Variants in COL20A1 observed in about 807,000 individuals in gnomAD.
COL20A1 encodes the protein collagen alpha-1(XX) chain.
A neutral mutation model predicts 152.9 loss-of-function variants in COL20A1; 164 were observed. The observed-to-expected ratio is 1.07, with a 90% CI of 0.94 to 1.22. The LOEUF (loss-of-function observed/expected upper bound fraction) is 1.22. Among genes scored for constraint, COL20A1 ranks in the 50% most tolerant of loss-of-function variants. The pLI is 0.00. For synonymous variants in COL20A1, 864 were observed against 756.0 expected, an observed-to-expected ratio of 1.14 and a Z score of -2.34; for missense variants, 1,873 against 1,744.8, an observed-to-expected ratio of 1.07 and a Z score of -1.31.
intron 3 of COL20A1, among the ~76,000 whole-genome samples, chr20:63,301,837 C>T (rs1205900897): frequency 6.6e-6 from 1 of 152,152 alleles, no homozygotes; most frequent in Non-Finnish European, 1.5e-5. Flanking sequence ...GTATTGTTTT[C>T]ACCCAGTGTG....
chr20:63,294,896 T>C, intron 1 of COL20A1: 2 of 536,792 alleles, frequency 3.7e-6, no homozygotes, highest in South Asian at 2.7e-5. Context: ...GCTCTAGCCT[T>C]GGGTCCTTGA....
At chr20:63,329,552 C>T in intron 34 of COL20A1, 33 bp from the exon 35 acceptor site, 1 of 1,575,890 alleles carries the variant, frequency 6.3e-7, no homozygotes, top group African/African-American at 1.4e-5. Flanking sequence ...CACTGCATTG[C>T]TCCGTCCTCA....
chr20:63,297,754 C>T (rs1260600000), intron 2 of COL20A1, among the ~76,000 whole-genome samples, 156 bp from the exon 3 acceptor site: 1 of 152,248 alleles, frequency 6.6e-6, no homozygotes, highest in African/African-American at 2.4e-5. Flanking sequence ...CTGAGTCCGC[C>T]TCAGACACCC....
In COL20A1 at chr20:63,312,460, C is replaced by A. The variant is rs771110529; in HGVS notation, c.1844C>A (p.Pro615His). ...AACGCCACCTCGGCCACGCTGGGGCCTCTCTCTTCCTCCACCACCTACACT... is the reference window on the plus strand; with the variant it reads ...AACGCCACCTCGGCCACGCTGGGGCATCTCTCTTCCTCCACCACCTACACT... ...PGNATSATLG[P>H]LSSSTTYTVR... is the part of the protein sequence containing the mutation. Residue 615 changes from proline to histidine, a missense_variant, in exon 15 of 36, where the codon CCT becomes CAT. Physicochemically the swap from Pro to His is moderately conservative, Grantham distance 77. Coordinates refer to ENST00000358894, the MANE Select transcript of COL20A1 (RefSeq NM_020882.4). 1.2e-6 allele frequency: 2 copies of A among 1,607,152 alleles called. No homozygotes were observed. The highest frequency in any genetic ancestry group is 2.7e-5 in the African/African-American group (2 of 74,742).
intron 1 of COL20A1, among the ~76,000 whole-genome samples, chr20:63,294,554 G>T (rs76186321): frequency 6.6e-6 from 1 of 151,266 alleles, no homozygotes; most frequent in Non-Finnish European, 1.5e-5. Flanking sequence ...CTGCACCCCC[G>T]GCTGGCGTCC....
rs1400967128 is a variant in COL20A1, at chr20:63,309,461, C to T, written c.1069C>T (p.Gln357Ter). ...TGGCCTGCTCAGCCGTCTCATCTGC[C>T]AGAGGCTCCAGGGTGGGAGCCCGCG... ...LAGLLSRLIC[Q>*]RLQGGSPRQG... is the part of the protein sequence containing the mutation. Residue 357 changes from glutamine (Q) to a stop codon, truncating the protein, a stop_gained, in exon 9 of 36, where the codon CAG (glutamine) becomes TAG (stop). Transcript: ENST00000358894. LOFTEE classifies it high-confidence loss of function. 6 of 1,537,218 alleles carry T rather than the reference C, an allele frequency of 3.9e-6. No individual in the cohort carries two copies. In the Middle Eastern group the frequency reaches 8.7e-4, roughly 224 times the overall value.
At chr20:63,316,507 A>T in intron 20 of COL20A1, 46 bp from the exon 21 acceptor site, 1 of 1,349,174 alleles carries the variant, frequency 7.4e-7, no homozygotes, top group Non-Finnish European at 9.8e-7. Flanking sequence ...CTCCCCTGCC[A>T]TCTCTGAGGG....
Position 63,317,304 on chromosome 20 carries a change from TAAAC to T in COL20A1, c.2663+622_2663+625del, listed in dbSNP as rs112845587. On this transcript the variant is annotated intron_variant, in intron 21 of 35. Coordinates refer to ENST00000358894, the MANE Select transcript of COL20A1 (RefSeq NM_020882.4). ...TGCAGCAAGACCCCATCTCTACAAA[TAAAC>T]AAACAAACTTAGCTGGGTGCGGTGG... Among the ~76,000 whole-genome samples, 161 of 151,828 alleles carry T rather than the reference TAAAC, an allele frequency of 1.1e-3. 2 individuals carry two copies. Among genetic ancestry groups the T allele is most frequent in the African/African-American group, 3.6e-3 (148 of 41,422 alleles).
At chr20:63,312,715 C>T in intron 15 of COL20A1, 77 bp from the exon 16 acceptor site, 1 of 1,474,988 alleles carries the variant, frequency 6.8e-7, no homozygotes, top group Non-Finnish European at 9.1e-7. Context: ...TAGGGTGCTC[C>T]TGGGTGTGGC....
chr20:63,320,933 C>T (rs917856279), intron 25 of COL20A1, 80 bp from the exon 26 acceptor site: 4 of 1,105,526 alleles, frequency 3.6e-6, no homozygotes, highest in African/African-American at 3.2e-5. Context: ...GCCCAGGTGT[C>T]ATTGGCTAAT....
intron 8 of COL20A1, among the ~76,000 whole-genome samples, chr20:63,308,911 G>T (rs2067966598): frequency 6.6e-6 from 1 of 152,140 alleles, no homozygotes; most frequent in Admixed American, 6.5e-5. Context: ...CTGGTGTTTG[G>T]TGCCCTCCGT....
intron 3 of COL20A1, among the ~76,000 whole-genome samples, chr20:63,300,084 C>A (rs1485211385): frequency 6.6e-6 from 1 of 152,042 alleles, no homozygotes; most frequent in African/African-American, 2.4e-5. Flanking sequence ...CCTGGCCTAT[C>A]CCCTTTTATA....
chr20:63,312,713 TC>T, intron 15 of COL20A1, 78 bp from the exon 16 acceptor site: 2 of 1,476,800 alleles, frequency 1.4e-6, no homozygotes, highest in Admixed American at 2.2e-5. Flanking sequence ...TATAGGGTGC[TC>T]CTGGGTGTGG....
chr20:63,308,156 C>G, intron 7 of COL20A1, 66 bp downstream of exon 7: 1 of 1,580,940 alleles, frequency 6.3e-7, no homozygotes, highest in Non-Finnish European at 8.6e-7. Context: ...CCTCCCAGAT[C>G]CCGAAAGCTT....
chr20:63,316,701 C>T lies in COL20A1; in HGVS notation c.2663+10C>T. ...TGACAAGACGGGTCAGGTGTGAGGG[C>T]AAGGGCTGGGGTGGAGCTGGAAGCC... On this transcript the variant is annotated intron_variant, in intron 21 of 35. Coordinates refer to ENST00000358894, the MANE Select transcript of COL20A1 (RefSeq NM_020882.4). The T allele has an allele frequency of 6.5e-7, 1 of 1,537,336 alleles. No individual in the cohort carries two copies. Among genetic ancestry groups the T allele is most frequent in the East Asian group, 2.4e-5 (1 of 41,724 alleles).
rs912954101 is a variant in COL20A1, at chr20:63,333,200, G to A, written c.*2484G>A. 7 of 152,570 alleles carry A rather than the reference G, an allele frequency of 4.6e-5. No individual in the cohort carries two copies. Among genetic ancestry groups the A allele is most frequent in the Non-Finnish European group, 8.8e-5 (6 of 68,338 alleles). 9.5% of individuals were successfully genotyped at this position (152,570 alleles called of 1,614,324 possible). A position where few individuals can be genotyped will look rare whatever the true frequency, so the allele number is the denominator to read the frequency against. On this transcript the variant is annotated 3_prime_UTR_variant, in exon 36 of 36. Coordinates refer to ENST00000358894, the MANE Select transcript of COL20A1 (RefSeq NM_020882.4). Reference sequence around the variant, plus strand: ...GGCAGCACAGCTTCAGCCCTACGCAGTGTGGGGGCTCCGGGAGGAAATGCA... The same window carrying A: ...GGCAGCACAGCTTCAGCCCTACGCAATGTGGGGGCTCCGGGAGGAAATGCA...
chr20:63,300,955 T>G (rs930906732), intron 3 of COL20A1, among the ~76,000 whole-genome samples: 4 of 152,248 alleles, frequency 2.6e-5, no homozygotes, highest in Non-Finnish European at 5.9e-5. Flanking sequence ...ACTTATTTTT[T>G]GTTTTGGATT....
intron 27 of COL20A1, chr20:63,325,122 G>T: frequency 2.1e-6 from 1 of 484,230 alleles, no homozygotes; most frequent in Non-Finnish European, 3.9e-6. Flanking sequence ...TGCTGGGGCT[G>T]CCCCTGCTCC....
At chr20:63,328,148 G>A (rs758785142) in intron 33 of COL20A1, 21 bp downstream of exon 33, 1 of 1,612,518 alleles carries the variant, frequency 6.2e-7, no homozygotes, top group Non-Finnish European at 8.5e-7. Context: ...CATTCAGAGT[G>A]AGTGAGGCCA....
Sources: gnomAD v4.1 joint callset for allele counts (sites outside exome capture counted in the v4.1 genomes callset) on GRCh38, gnomAD v4.1.1 for gene constraint, MANE v1.5 for transcripts, NCBI Gene and HGNC (gene_info 2026-07-23, HGNC 2026-07-21) for gene names.